Variants in NOP58 observed in about 807,000 individuals in gnomAD.
NOP58 encodes nucleolar protein 58.
Under a neutral mutation model 71.2 loss-of-function variants are expected in NOP58, and 44 were observed. That is an observed-to-expected ratio of 0.62 (90% CI 0.49 to 0.79). The LOEUF is 0.79. Among genes scored for constraint, NOP58 ranks in the 30% least tolerant of loss-of-function variants. NOP58 has a pLI of 0.00. For synonymous variants in NOP58, 228 were observed against 200.3 expected (o/e 1.14, Z -1.17); for missense variants, 538 against 620.2 (o/e 0.87, Z 1.41).
At chr2:202,281,249 C>T in intron 3 of NOP58, among the ~76,000 whole-genome samples, 1 of 151,848 alleles carries the variant, frequency 6.6e-6, no homozygotes, top group South Asian at 2.1e-4. Context: ...ACCTCAGCCT[C>T]CCGAGTAGCT....
At chr2:202,278,234 G>T in intron 3 of NOP58, 1 of 613,134 alleles carries the variant, frequency 1.6e-6, no homozygotes, top group East Asian at 3.4e-5. Context: ...CCATGTGTGA[G>T]GAGAGGTGAG....
intron 6 of NOP58, among the ~76,000 whole-genome samples, chr2:202,290,042 C>T (rs549313704): frequency 7.2e-5 from 11 of 152,190 alleles, no homozygotes; most frequent in African/African-American, 2.4e-4. Context: ...ACAACCTCCA[C>T]CTCCTGTGTT....
chr2:202,278,448 G>A, intron 3 of NOP58: 1 of 337,604 alleles, frequency 3.0e-6, no homozygotes, highest in South Asian at 2.4e-5. Flanking sequence ...TGGGGGTATA[G>A]ATTTTTAGTT....
At chr2:202,279,988 T>C (rs1274264649) in intron 3 of NOP58, among the ~76,000 whole-genome samples, 1 of 152,026 alleles carries the variant, frequency 6.6e-6, no homozygotes, top group Non-Finnish European at 1.5e-5. Flanking sequence ...TGAATGAAAA[T>C]AGTGAATTTT....
chr2:202,302,424 G>T (rs756618981), intron 13 of NOP58, among the ~76,000 whole-genome samples: 12 of 152,048 alleles, frequency 7.9e-5, no homozygotes, highest in Non-Finnish European at 1.5e-4. Flanking sequence ...TATGTGTTGA[G>T]TCCTTATTGT....
intron 5 of NOP58, 186 bp downstream of exon 5, chr2:202,284,667 G>A: frequency 3.5e-6 from 2 of 564,688 alleles, no homozygotes; most frequent in East Asian, 6.3e-5. Flanking sequence ...AAGTGGTAAA[G>A]CCAGGATTTG....
At chr2:202,297,726 C>T (rs964588147) in intron 11 of NOP58, 119 bp from the exon 12 acceptor site, 4 of 821,308 alleles carry the variant, frequency 4.9e-6, no homozygotes, top group Non-Finnish European at 7.5e-6. Flanking sequence ...TTCAAAATAA[C>T]AAAACAAAAA....
At chr2:202,288,220 C>T (rs1688825294) in intron 6 of NOP58, among the ~76,000 whole-genome samples, 1 of 152,096 alleles carries the variant, frequency 6.6e-6, no homozygotes, top group African/African-American at 2.4e-5. Flanking sequence ...CACAGTGGCT[C>T]ATGCCTGTAA....
At chr2:202,274,797 C>T (rs181129763) in intron 1 of NOP58, among the ~76,000 whole-genome samples, 37 of 152,116 alleles carry the variant, frequency 2.4e-4, no homozygotes, top group African/African-American at 7.5e-4. Flanking sequence ...GCCCTACCCC[C>T]TAGGACCCCA....
chr2:202,301,015 A>G (rs1689082425), intron 13 of NOP58, among the ~76,000 whole-genome samples: 2 of 152,230 alleles, frequency 1.3e-5, no homozygotes, highest in Non-Finnish European at 2.9e-5. Flanking sequence ...TACTTGATAG[A>G]GAAAACAAAC....
chr2:202,301,372 A>T (rs1689088843), intron 13 of NOP58, among the ~76,000 whole-genome samples: 1 of 151,712 alleles, frequency 6.6e-6, no homozygotes, highest in Non-Finnish European at 1.5e-5. Flanking sequence ...TTTAGTAGAG[A>T]CAGGGTTTCA....
At chr2:202,277,395 T>C (rs1688620285) in intron 2 of NOP58, among the ~76,000 whole-genome samples, 1 of 151,386 alleles carries the variant, frequency 6.6e-6, no homozygotes, top group African/African-American at 2.4e-5. Flanking sequence ...GGAGAATTGC[T>C]TGAATCCGGG....
chr2:202,303,523 T>C lies in NOP58; in HGVS notation c.*87T>C. The C allele has an allele frequency of 6.7e-7, 1 of 1,491,608 alleles. No homozygotes were observed. The highest frequency in any genetic ancestry group is 8.9e-7 in the Non-Finnish European group (1 of 1,118,222). The allele number at this position is 1,491,608 out of a possible 1,614,324, so 92.4% of individuals were successfully genotyped here. On this transcript the variant is annotated 3_prime_UTR_variant, in exon 15 of 15. Transcript: ENST00000264279. ...ATACCAGGGATGCTCTCTAACGTAA[T>C]CAAGGGAAGGTTCAGTAAGACAAAG...
At chr2:202,277,103 C>T (rs1559260763) in intron 2 of NOP58, among the ~76,000 whole-genome samples, 1 of 152,134 alleles carries the variant, frequency 6.6e-6, no homozygotes, top group Non-Finnish European at 1.5e-5. Flanking sequence ...CTGGCTAACA[C>T]GGTGAAACCC....
At chr2:202,274,607 A>T (rs980884024) in intron 1 of NOP58, among the ~76,000 whole-genome samples, 5 of 151,916 alleles carry the variant, frequency 3.3e-5, no homozygotes, top group African/African-American at 1.2e-4. Context: ...TTTAAAAGAA[A>T]GGTTCTCGGC....
Position 202,292,821 on chromosome 2 carries a change from A to G in NOP58, c.825A>G (p.Leu275=). The G allele has an allele frequency of 1.9e-6, 3 of 1,613,100 alleles. No individual in the cohort carries two copies. The highest frequency in any genetic ancestry group is 2.5e-6 in the Non-Finnish European group (3 of 1,179,034). Residue 275 remains leucine, a synonymous_variant, in exon 9 of 15, where the codon CTA becomes CTG. Coordinates refer to ENST00000264279, the MANE Select transcript of NOP58 (RefSeq NM_015934.5). ...ATCGAACCCAGCTCTATGAATATCT[A>G]CAAAATCGAATGATGGCCATTGCAC... ...SEYRTQLYEY[L]QNRMMAIAPN...
intron 1 of NOP58, among the ~76,000 whole-genome samples, chr2:202,268,289 C>T (rs566677111): frequency 6.6e-6 from 1 of 152,212 alleles, no homozygotes; most frequent in South Asian, 2.1e-4. Flanking sequence ...AATCCCAGCA[C>T]TTTGGGAGGC....
Position 202,295,795 on chromosome 2 carries a change from T to C in NOP58, c.1029T>C (p.His343=). ...CCCCTAAGTATGGTCTCATTTATCATGCTTCACTCGTGGGCCAGACAAGTC... is the reference window on the plus strand; with the variant it reads ...CCCCTAAGTATGGTCTCATTTATCACGCTTCACTCGTGGGCCAGACAAGTC... ...RDTPKYGLIY[H]ASLVGQTSPK... The change falls in exon 10 of 15, where the codon CAT becomes CAC. Residue 343 remains histidine (H), a synonymous_variant. Coordinates refer to ENST00000264279, the MANE Select transcript of NOP58 (RefSeq NM_015934.5). 1 of 1,605,004 alleles carries C rather than the reference T, an allele frequency of 6.2e-7. No homozygotes were observed. Among genetic ancestry groups the C allele is most frequent in the Non-Finnish European group, 8.5e-7 (1 of 1,176,396 alleles).
intron 5 of NOP58, among the ~76,000 whole-genome samples, chr2:202,286,041 G>A (rs557617648): frequency 3.9e-4 from 59 of 152,014 alleles, no homozygotes; most frequent in African/African-American, 1.3e-3. Context: ...AATTAGCCGG[G>A]CACAGTGGCG....
Sources: gnomAD v4.1 joint callset for allele counts (sites outside exome capture counted in the v4.1 genomes callset) on GRCh38, gnomAD v4.1.1 for gene constraint, MANE v1.5 for transcripts, NCBI Gene and HGNC (gene_info 2026-07-23, HGNC 2026-07-21) for gene names.